Variants in COL24A1 observed in about 807,000 individuals in gnomAD.
COL24A1 encodes collagen alpha-1(XXIV) chain.
Under a neutral mutation model 253.9 loss-of-function variants are expected in COL24A1, and 224 were observed. That is an observed-to-expected ratio of 0.88 (90% CI 0.79 to 0.99). COL24A1 has a LOEUF of 0.99. Ranked by LOEUF, COL24A1 falls within the 50% of genes least tolerant of loss-of-function variation. The pLI is 0.00. For missense variants in COL24A1, 2,131 were observed against 2,068.5 expected, an observed-to-expected ratio of 1.03 and a Z score of -0.59; for synonymous variants, 685 against 673.7, an observed-to-expected ratio of 1.02 and a Z score of -0.26.
intron 19 of COL24A1, among the ~76,000 whole-genome samples, chr1:86,015,275 T>C (rs1482739894): frequency 6.6e-6 from 1 of 152,144 alleles, no homozygotes; most frequent in Non-Finnish European, 1.5e-5. Context: ...TTTAGCCCCA[T>C]GAAAAAACTT....
chr1:85,740,919 C>G (rs1033268270), intron 57 of COL24A1, among the ~76,000 whole-genome samples: 11 of 134,322 alleles, frequency 8.2e-5, no homozygotes, highest in Admixed American at 2.5e-4. Flanking sequence ...ACCAGCCTGG[C>G]CAAGACGGTG....
Position 86,125,269 on chromosome 1 carries a change from A to C in COL24A1, c.1067T>G (p.Ile356Ser), listed in dbSNP as rs1261918838. Residue 356 changes from isoleucine (I) to serine (S), a missense_variant, in exon 3 of 60, where the codon ATC (isoleucine) becomes AGC (serine). By Grantham distance (142) the Ile-to-Ser change is moderately radical. Transcript: ENST00000370571. ...NFSLSVTTHR[I>S]SEAKMNTKEK... The stretch of plus-strand genomic sequence containing the variant: ...TTTGGTATTCATTTTTGCCTCACTG[A>C]TGCGATGAGTGGTCACTGACAGGCT... 6.2e-7 allele frequency: 1 copy of C among 1,613,410 alleles called. No individual in the cohort carries two copies. The highest frequency in any genetic ancestry group is 2.2e-5 in the East Asian group (1 of 44,856).
chr1:85,875,985 A>T (rs1010516977), intron 33 of COL24A1, among the ~76,000 whole-genome samples: 3 of 152,172 alleles, frequency 2.0e-5, no homozygotes, highest in Admixed American at 6.5e-5. Flanking sequence ...TTTAGGGAAG[A>T]GAAGAGTTTT....
At chr1:85,766,508 T>C (rs535591869) in intron 53 of COL24A1, among the ~76,000 whole-genome samples, 1 of 151,924 alleles carries the variant, frequency 6.6e-6, no homozygotes, top group Admixed American at 6.6e-5. Flanking sequence ...AATAACTCTT[T>C]CATAAATGGC....
chr1:85,894,770 T>G (rs930099603), intron 31 of COL24A1, among the ~76,000 whole-genome samples: 3 of 152,196 alleles, frequency 2.0e-5, no homozygotes, highest in Non-Finnish European at 4.4e-5. Context: ...TTCCTAGACA[T>G]AGTCATTTGT....
At chr1:85,799,241 AAGAAAG>A (rs1228382226) in intron 47 of COL24A1, among the ~76,000 whole-genome samples, 1 of 151,014 alleles carries the variant, frequency 6.6e-6, no homozygotes, top group Non-Finnish European at 1.5e-5. Flanking sequence ...GAAAGAAAGA[AAGAAAG>A]AAAAGAAAAG....
intron 48 of COL24A1, among the ~76,000 whole-genome samples, chr1:85,786,033 T>G: frequency 6.6e-6 from 1 of 152,178 alleles, no homozygotes; most frequent in East Asian, 1.9e-4. Flanking sequence ...TATCTGGAAG[T>G]AAATAAGATT....
intron 18 of COL24A1, among the ~76,000 whole-genome samples, chr1:86,018,388 A>G (rs1177516509): frequency 6.6e-6 from 1 of 152,214 alleles, no homozygotes; most frequent in Non-Finnish European, 1.5e-5. Flanking sequence ...AATAAACAAA[A>G]ACAAAATCTG....
chr1:85,997,055 G>GTGTGTGTGTGTGTATATATATATA, intron 19 of COL24A1, among the ~76,000 whole-genome samples: 2 of 95,122 alleles, frequency 2.1e-5, no homozygotes, highest in Non-Finnish European at 4.9e-5. Context: ...GTGTGTGTGT[G>GTGTGTGTGTGTGTATATATATATA]TATATATATA....
intron 24 of COL24A1, among the ~76,000 whole-genome samples, chr1:85,921,051 T>G (rs1042459142): frequency 6.6e-6 from 1 of 152,128 alleles, no homozygotes; most frequent in Non-Finnish European, 1.5e-5. Context: ...CATTTCCAAC[T>G]GAGGTACCTG....
intron 2 of COL24A1, among the ~76,000 whole-genome samples, chr1:86,139,575 G>C (rs181280749): frequency 2.0e-5 from 3 of 152,074 alleles, no homozygotes; most frequent in East Asian, 3.9e-4. Flanking sequence ...CCAATTTTTA[G>C]ATAAAAAGGA....
intron 2 of COL24A1, among the ~76,000 whole-genome samples, chr1:86,129,278 T>C (rs1261780547): frequency 6.6e-6 from 1 of 151,764 alleles, no homozygotes; most frequent in Non-Finnish European, 1.5e-5. Flanking sequence ...CCTATGTCTG[T>C]GGCCCTCTGT....
chr1:86,031,944 A>G (rs780275917), intron 13 of COL24A1, 22 bp from the exon 14 acceptor site: 12 of 1,599,146 alleles, frequency 7.5e-6, no homozygotes, highest in African/African-American at 2.7e-5. Context: ...GAAATTTGCA[A>G]TACTTATTAA....
chr1:86,025,404 G>A (rs1571645517), intron 14 of COL24A1, among the ~76,000 whole-genome samples: 1 of 152,274 alleles, frequency 6.6e-6, no homozygotes, highest in East Asian at 1.9e-4. Flanking sequence ...AAAAAGAGCA[G>A]TCACTGGCCA....
At chr1:85,907,158 G>T (rs1449461912) in intron 28 of COL24A1, 36 bp downstream of exon 28, 5 of 1,549,048 alleles carry the variant, frequency 3.2e-6, no homozygotes, top group African/African-American at 1.4e-5. Context: ...AGTAATTTTG[G>T]GGGGGTTAAT....
intron 18 of COL24A1, among the ~76,000 whole-genome samples, chr1:86,020,072 T>C (rs1377087410): frequency 9.1e-4 from 129 of 141,896 alleles, no homozygotes; most frequent in African/African-American, 2.7e-3. Flanking sequence ...TTTTTTTTTT[T>C]TTTTTTTTTT....
intron 20 of COL24A1, among the ~76,000 whole-genome samples, chr1:85,982,894 G>T (rs192644284): frequency 6.8e-4 from 103 of 152,070 alleles, no homozygotes; most frequent in African/African-American, 2.4e-3. Flanking sequence ...CAAGAAATCT[G>T]TGTATAAAAT....
Position 85,734,939 on chromosome 1 carries a change from T to C in COL24A1, c.4808A>G (p.Gln1603Arg). The C allele has an allele frequency of 6.2e-7, 1 of 1,614,214 alleles. No homozygotes were observed. The highest frequency in any genetic ancestry group is 8.5e-7 in the Non-Finnish European group (1 of 1,180,022). The change falls in exon 59 of 60, where the codon CAG becomes CGG. Residue 1603 changes from glutamine (Q) to arginine (R), a missense_variant. Gln to Arg is a conservative substitution (Grantham distance 43). Transcript: ENST00000370571. ...TKLEFGVGKV[Q>R]MNFLHLLSSE... is the part of the protein sequence containing the mutation. The stretch of plus-strand genomic sequence containing the variant: ...ACTCAGTAAATGAAGGAAGTTCATC[T>C]GGACTTTCCCAACTCCAAACTCCAA...
At chr1:86,033,623 T>C (rs972578028) in intron 13 of COL24A1, among the ~76,000 whole-genome samples, 1 of 152,086 alleles carries the variant, frequency 6.6e-6, no homozygotes, top group East Asian at 1.9e-4. Context: ...TTTAATATTT[T>C]ACTTAAGCAG....
Sources: gnomAD v4.1 joint callset for allele counts (sites outside exome capture counted in the v4.1 genomes callset) on GRCh38, gnomAD v4.1.1 for gene constraint, MANE v1.5 for transcripts, NCBI Gene and HGNC (gene_info 2026-07-23, HGNC 2026-07-21) for gene names.